CP: variants seen among roughly 807,000 people sequenced by gnomAD.
CP encodes the protein ceruloplasmin.
Under a neutral mutation model 122.4 loss-of-function variants are expected in CP, and 64 were observed. The observed-to-expected ratio is 0.52, with a 90% confidence interval of 0.43 to 0.64. The LOEUF (loss-of-function observed/expected upper bound fraction) is 0.64. Ranked by LOEUF, CP falls within the 30% of genes least tolerant of loss-of-function variation. The pLI is 0.00. For missense variants in CP, 1,167 were observed against 1,284.4 expected (o/e 0.91, Z 1.40); for synonymous variants, 440 against 436.4 (o/e 1.01, Z -0.10).
At position 149,194,607 on chromosome 3, in the gene CP, G is replaced by A. The variant is rs547193902; in HGVS notation, c.1713+3760C>T. ...CCAAATAAAAATAAAACATCTCAGC[G>A]TAATCTTAAAAAAAAATCCAAGATC... On this transcript the variant is annotated intron_variant, in intron 9 of 18. Transcript: ENST00000264613. Among the ~76,000 whole-genome samples the A allele has an allele frequency of 2.1e-4, 14 of 67,546 alleles. No homozygotes were observed. In the East Asian group the frequency reaches 0.016, roughly 75 times the overall value. 44.3% of individuals were successfully genotyped at this position (67,546 alleles called of 152,430 possible).
intron 9 of CP, among the ~76,000 whole-genome samples, chr3:149,189,897 C>T (rs967781730): frequency 2.0e-5 from 3 of 151,690 alleles, no homozygotes; most frequent in Non-Finnish European, 2.9e-5. Context: ...TAACTTAGAT[C>T]GAAGAGAAAA....
Position 149,185,350 on chromosome 3 carries a change from G to A in CP, c.2174C>T (p.Ser725Phe). Residue 725 changes from serine to phenylalanine, a missense_variant, in exon 12 of 19, where the codon TCC (serine) becomes TTC (phenylalanine). This residue lies in a region of CP where 525 missense variants were observed against 657.2 expected (regional missense o/e 0.80). Transcript: ENST00000264613. ...VNQCRRQSEDSTFYLGERTYY... is the reference protein window; with the variant it reads ...VNQCRRQSEDFTFYLGERTYY... The stretch of plus-strand genomic sequence containing the variant: ...TGTCCTCTCTCCCAGGTAGAAGGTG[G>A]AATCCTCAGACTGCCGCCTGCATTG... The A allele has an allele frequency of 6.2e-7, 1 of 1,614,082 alleles. No homozygotes were observed. Among genetic ancestry groups the A allele is most frequent in the Non-Finnish European group, 8.5e-7 (1 of 1,180,004 alleles).
chr3:149,216,687 A>G (rs1728478415), intron 1 of CP, among the ~76,000 whole-genome samples: 1 of 152,128 alleles, frequency 6.6e-6, no homozygotes, highest in South Asian at 2.1e-4. Flanking sequence ...ACACAAATTC[A>G]AGTGATTTGC....
chr3:149,200,965 G>C (rs1393705684), intron 7 of CP, among the ~76,000 whole-genome samples: 1 of 152,208 alleles, frequency 6.6e-6, no homozygotes, highest in East Asian at 1.9e-4. Context: ...TGAAGAACCA[G>C]GACAATCTGA....
chr3:149,218,246 A>G (rs1728589550), intron 1 of CP, among the ~76,000 whole-genome samples: 1 of 152,182 alleles, frequency 6.6e-6, no homozygotes, highest in African/African-American at 2.4e-5. Flanking sequence ...CCTACTATGG[A>G]CCCAGAACAC....
At chr3:149,215,596 A>G (rs1297312928) in intron 1 of CP, among the ~76,000 whole-genome samples, 1 of 152,204 alleles carries the variant, frequency 6.6e-6, no homozygotes, top group Non-Finnish European at 1.5e-5. Flanking sequence ...GGAGAAGTCT[A>G]TTTGTTTATG....
chr3:149,185,468 C>T (rs1726102995), intron 11 of CP, 22 bp from the exon 12 acceptor site: 1 of 1,611,506 alleles, frequency 6.2e-7, no homozygotes, highest in Non-Finnish European at 8.5e-7. Context: ...AATAAGAAAA[C>T]ATGTCACTTC....
chr3:149,209,582 A>C (rs1411710993), intron 3 of CP, among the ~76,000 whole-genome samples, 198 bp from the exon 4 acceptor site: 1 of 152,076 alleles, frequency 6.6e-6, no homozygotes, highest in East Asian at 1.9e-4. Context: ...CTTGGAAGAC[A>C]CTCCTGTGTC....
At chr3:149,168,056 A>G, downstream of CP, 1 of 917,030 alleles carries the variant, frequency 1.1e-6, no homozygotes, top group South Asian at 1.4e-5. Context: ...CTTCTTAAGT[A>G]TTTTCATGTG....
rs753617106 is a variant in CP at position 149,179,617 on chromosome 3, G to A, written c.2600C>T (p.Ala867Val). 7 of 1,613,648 alleles carry A rather than the reference G, an allele frequency of 4.3e-6. No individual in the cohort carries two copies. Among genetic ancestry groups the A allele is most frequent in the East Asian group, 2.2e-5 (1 of 44,834 alleles). ...AATACAAGCAGAATCCTCTGTTCCA[G>A]CTCCAGATCTTTCTGGGATTTTCCA... ...YVWKIPERSG[A>V]GTEDSACIPW... The change falls in exon 15 of 19, where the codon GCT becomes GTT. Residue 867 changes from alanine to valine, a missense_variant. By Grantham distance (64) the Ala-to-Val change is moderately conservative (BLOSUM62 0). Transcript: ENST00000264613.
intron 1 of CP, among the ~76,000 whole-genome samples, chr3:149,218,308 A>G (rs1728592622): frequency 6.6e-6 from 1 of 152,112 alleles, no homozygotes; most frequent in African/African-American, 2.4e-5. Context: ...TTTTAATTTG[A>G]ATATATATAA....
At chr3:149,203,453 G>A (rs1451703458) in intron 6 of CP, among the ~76,000 whole-genome samples, 1 of 151,860 alleles carries the variant, frequency 6.6e-6, no homozygotes, top group Non-Finnish European at 1.5e-5. Flanking sequence ...TAATAGAGAC[G>A]GGGCTTTGGT....
intron 6 of CP, among the ~76,000 whole-genome samples, chr3:149,202,988 C>T (rs1450443004): frequency 6.9e-6 from 1 of 144,076 alleles, no homozygotes; most frequent in South Asian, 2.4e-4. Context: ...CTCACTGCAA[C>T]CTCCACCTCT....
At position 149,182,054 on chromosome 3, in the gene CP, A is replaced by G; in HGVS notation, c.2505T>C (p.His835=). ...KNMATRPYSI[H]AHGVQTESST... ...AACTCTCTGTTTGTACCCCATGGGC[A>G]TGTATTGAGTAGGGCCTTGTGGCCA... The change falls in exon 14 of 19, where the codon CAT becomes CAC. Residue 835 remains histidine (H), a synonymous_variant. Transcript: ENST00000264613. 6.3e-7 allele frequency: 1 copy of G among 1,588,938 alleles called. No homozygotes were observed. The highest frequency in any genetic ancestry group is 8.5e-7 in the Non-Finnish European group (1 of 1,170,486).
At chr3:149,203,601 C>T (rs1055352796) in intron 6 of CP, among the ~76,000 whole-genome samples, 14 of 152,164 alleles carry the variant, frequency 9.2e-5, no homozygotes, top group Non-Finnish European at 1.8e-4. Flanking sequence ...CACATGACAT[C>T]GCAACAAAGT....
chr3:149,215,850 A>G (rs1194277431), intron 1 of CP, among the ~76,000 whole-genome samples: 1 of 152,190 alleles, frequency 6.6e-6, no homozygotes, highest in East Asian at 1.9e-4. Flanking sequence ...TCTCCCTTCA[A>G]GTAATCAATC....
intron 17 of CP, 119 bp from the exon 18 acceptor site, chr3:149,176,531 G>A (rs1187137088): frequency 3.2e-5 from 27 of 850,416 alleles, no homozygotes; most frequent in Non-Finnish European, 4.3e-5. Flanking sequence ...TTAAAAAATC[G>A]AGCTCGTTTC....
At chr3:149,199,659 G>T in intron 8 of CP, 53 bp downstream of exon 8, 3 of 1,601,446 alleles carry the variant, frequency 1.9e-6, no homozygotes, top group Non-Finnish European at 2.6e-6. Flanking sequence ...TCAGTGACCA[G>T]TACAGTGGGT....
Position 149,173,646 on chromosome 3 carries a change from A to ACAG in CP, c.*67_*68insCTG. Reference sequence around the variant, plus strand: ...ATTCCAAAGTAACATTCTATTTTACACTTTCACATACATTGTTATGAATCA... The same window carrying ACAG: ...ATTCCAAAGTAACATTCTATTTTACACAGCTTTCACATACATTGTTATGAATCA... On this transcript the variant is annotated 3_prime_UTR_variant, in exon 19 of 19. Transcript: ENST00000264613. 1.0e-6 allele frequency: 1 copy of ACAG among 1,002,804 alleles called. No individual in the cohort carries two copies. The highest frequency in any genetic ancestry group is 1.5e-5 in the South Asian group (1 of 68,102). The allele number at this position is 1,002,804 out of a possible 1,614,324, so 62.1% of individuals were successfully genotyped here. A position where few individuals can be genotyped will look rare whatever the true frequency, so the allele number is the denominator to read the frequency against.
Sources: allele counts gnomAD v4.1 joint callset (sites outside exome capture counted in the v4.1 genomes callset), GRCh38; gene constraint gnomAD v4.1.1; regional missense constraint gnomAD v4.1.1; transcripts MANE v1.5; gene names NCBI Gene and HGNC (gene_info 2026-07-23, HGNC 2026-07-21).